The following GSTCD variants were observed in gnomAD, a reference collection of about 807,000 sequenced individuals.
The protein encoded by GSTCD is glutathione S-transferase C-terminal domain containing, also known as glutathione S-transferase C-terminal domain-containing protein.
Under a neutral mutation model 68.3 loss-of-function variants are expected in GSTCD, and 44 were observed. The ratio of observed to expected loss-of-function variants is 0.64; its 90% confidence interval spans 0.51 to 0.83. The LOEUF (loss-of-function observed/expected upper bound fraction) is 0.83, where lower values mean the gene tolerates loss of function less well. Among genes scored for constraint, GSTCD ranks in the 40% least tolerant of loss-of-function variants. GSTCD has a pLI of 0.00. For missense variants in GSTCD, 739 were observed against 735.9 expected, an observed-to-expected ratio of 1.00 and a Z score of -0.05; for synonymous variants, 273 against 255.2, an observed-to-expected ratio of 1.07 and a Z score of -0.67.
chr4:105,733,919 C>A (rs537786132), intron 5 of GSTCD, among the ~76,000 whole-genome samples: 33 of 152,076 alleles, frequency 2.2e-4, no homozygotes, highest in East Asian at 9.7e-4. Context: ...TTGTCTGTAA[C>A]GGATTTTATT....
At chr4:105,733,834 C>A (rs201727016) in intron 5 of GSTCD, among the ~76,000 whole-genome samples, 1 of 152,114 alleles carries the variant, frequency 6.6e-6, no homozygotes, top group African/African-American at 2.4e-5. Flanking sequence ...GCGGTTTTTC[C>A]TTTCCATGTT....
chr4:105,714,036 C>A (rs984727029), intron 1 of GSTCD, among the ~76,000 whole-genome samples: 9 of 149,810 alleles, frequency 6.0e-5, no homozygotes, highest in South Asian at 2.1e-4. Context: ...AAAAAAAAAA[C>A]CAGATCTGAA....
At chr4:105,760,996 ATTTT>A (rs35581423) in intron 5 of GSTCD, 1,005 of 173,916 alleles carry the variant, frequency 5.8e-3, no homozygotes, top group Middle Eastern at 9.9e-3. Context: ...TCCTTTTTTA[ATTTT>A]TTTTTTTTTT....
chr4:105,709,275 T>C (rs1221546002), intron 1 of GSTCD: 1 of 152,384 alleles, frequency 6.6e-6, no homozygotes, highest in African/African-American at 2.4e-5. Flanking sequence ...CAGTCCCTCA[T>C]GTCTTCCTCT....
At chr4:105,723,889 T>C (rs1732948612) in intron 3 of GSTCD, among the ~76,000 whole-genome samples, 1 of 151,762 alleles carries the variant, frequency 6.6e-6, no homozygotes. Context: ...ACAAATGGAT[T>C]CTTTATCATT....
At chr4:105,788,535 T>C (rs902969359) in intron 5 of GSTCD, among the ~76,000 whole-genome samples, 2 of 152,114 alleles carry the variant, frequency 1.3e-5, no homozygotes, top group African/African-American at 2.4e-5. Flanking sequence ...TTTTTCTGCC[T>C]GCTTTGAGGC....
intron 1 of GSTCD, among the ~76,000 whole-genome samples, chr4:105,714,703 A>G (rs57357762): frequency 0.028 from 4,235 of 151,894 alleles, 175 homozygotes; most frequent in African/African-American, 0.088. Context: ...ACCAACATCT[A>G]TATTAAAAAA....
intron 5 of GSTCD, among the ~76,000 whole-genome samples, chr4:105,741,997 G>A (rs965709343): frequency 6.6e-6 from 1 of 152,138 alleles, no homozygotes; most frequent in African/African-American, 2.4e-5. Flanking sequence ...CAAGATTCAT[G>A]TTTCTGTACT....
intron 5 of GSTCD, among the ~76,000 whole-genome samples, chr4:105,744,446 G>GAAGGATGATT (rs889806097): frequency 3.3e-5 from 5 of 152,152 alleles, no homozygotes; most frequent in Non-Finnish European, 5.9e-5. Context: ...TGATTTTCAA[G>GAAGGATGATT]TCTGTCATCC....
At chr4:105,732,728 G>T (rs1733296313) in intron 5 of GSTCD, among the ~76,000 whole-genome samples, 1 of 152,052 alleles carries the variant, frequency 6.6e-6, no homozygotes, top group Non-Finnish European at 1.5e-5. Flanking sequence ...CTTGCCTTCT[G>T]CTAGCTTTTG....
chr4:105,787,703 A>T (rs1462278173), intron 5 of GSTCD, among the ~76,000 whole-genome samples: 1 of 152,014 alleles, frequency 6.6e-6, no homozygotes, highest in Non-Finnish European at 1.5e-5. Flanking sequence ...CTCTTAAAGG[A>T]TACTGATGGA....
chr4:105,718,056 T>C lies in GSTCD; in HGVS notation c.426+17T>C, dbSNP rs998495308. On this transcript the variant is annotated intron_variant, in intron 2 of 11. Transcript: ENST00000515279. Reference sequence around the variant, plus strand: ...TGTGCTGAAGTAAGTATAATGTCTTTTTTCTGTTATTTGAAGCTACACAGT... The same window carrying C: ...TGTGCTGAAGTAAGTATAATGTCTTCTTTCTGTTATTTGAAGCTACACAGT... 2.3e-5 allele frequency: 35 copies of C among 1,554,012 alleles called. No individual in the cohort carries two copies. Among genetic ancestry groups the C allele is most frequent in the Non-Finnish European group, 2.8e-5 (32 of 1,153,074 alleles).
chr4:105,846,223 A>C lies in GSTCD; in HGVS notation c.*646A>C, dbSNP rs1458208103. 6.6e-6 allele frequency: 1 copy of C among 151,938 alleles called. No homozygotes were observed. The highest frequency in any genetic ancestry group is 1.5e-5 in the Non-Finnish European group (1 of 68,000). The allele number at this position is 151,938 out of a possible 1,614,324, so 9.4% of individuals were successfully genotyped here. A position where few individuals can be genotyped will look rare whatever the true frequency, so the allele number is the denominator to read the frequency against. On this transcript the variant is annotated 3_prime_UTR_variant, in exon 12 of 12. Transcript: ENST00000515279. ...CATTTGAGCCCAGGATATCGAGACC[A>C]GCCTGCACTACAAAAAAATCCAAAA...
intron 5 of GSTCD, among the ~76,000 whole-genome samples, chr4:105,759,355 G>A (rs1734315188): frequency 6.6e-6 from 1 of 152,128 alleles, no homozygotes; most frequent in South Asian, 2.1e-4. Context: ...CATCTAGGAG[G>A]CAGCATGAAG....
At chr4:105,728,163 A>C (rs934093000) in intron 4 of GSTCD, among the ~76,000 whole-genome samples, 7 of 152,168 alleles carry the variant, frequency 4.6e-5, no homozygotes, top group Non-Finnish European at 8.8e-5. Flanking sequence ...TCACCTCTCG[A>C]GTGAATATGC....
intron 5 of GSTCD, among the ~76,000 whole-genome samples, chr4:105,794,723 T>C (rs540258054): frequency 9.9e-5 from 15 of 152,156 alleles, no homozygotes; most frequent in African/African-American, 3.6e-4. Context: ...TATTCATATA[T>C]GAAATAAACT....
At chr4:105,714,536 G>A (rs1162936299) in intron 1 of GSTCD, among the ~76,000 whole-genome samples, 1 of 151,192 alleles carries the variant, frequency 6.6e-6, no homozygotes, top group Non-Finnish European at 1.5e-5. Flanking sequence ...AAGGCACAGT[G>A]CAAGCCAAAA....
At chr4:105,836,964 G>A (rs1395135142) in intron 9 of GSTCD, among the ~76,000 whole-genome samples, 1 of 152,164 alleles carries the variant, frequency 6.6e-6, no homozygotes, top group African/African-American at 2.4e-5. Flanking sequence ...AGTATCAAAT[G>A]TATAAGTCAA....
At chr4:105,801,962 T>C (rs1007269625) in intron 5 of GSTCD, among the ~76,000 whole-genome samples, 5 of 152,058 alleles carry the variant, frequency 3.3e-5, no homozygotes, top group Non-Finnish European at 7.4e-5. Context: ...GCTGTGTGAC[T>C]TGGGCAAATT....
Sources: gnomAD v4.1 joint callset for allele counts (sites outside exome capture counted in the v4.1 genomes callset) on GRCh38, gnomAD v4.1.1 for gene constraint, MANE v1.5 for transcripts, NCBI Gene and HGNC (gene_info 2026-07-23, HGNC 2026-07-21) for gene names.